HDAC9: variants seen among roughly 807,000 people sequenced by gnomAD.
HDAC9 encodes MEF-2 interacting transcription repressor (MITR) protein.
Under a neutral mutation model 139.4 loss-of-function variants are expected in HDAC9, and 41 were observed. The ratio of observed to expected loss-of-function variants is 0.29; its 90% CI spans 0.23 to 0.38. The LOEUF (loss-of-function observed/expected upper bound fraction) is 0.38, where lower values mean the gene tolerates loss of function less well. HDAC9 is among the 10% of genes least tolerant of loss of function. The pLI, the probability that HDAC9 is intolerant of heterozygous loss-of-function variation, is 1.00. For missense variants in HDAC9, 1,147 were observed against 1,297.0 expected (o/e 0.88, Z 1.78); for synonymous variants, 517 against 476.2 (o/e 1.09, Z -1.12).
At chr7:18,904,720 CAA>C (rs1802056309) in intron 22 of HDAC9, among the ~76,000 whole-genome samples, 6 of 151,200 alleles carry the variant, frequency 4.0e-5, no homozygotes, top group South Asian at 2.1e-4. Context: ...GGACTACAGG[CAA>C]CCGCCACCAC....
intron 1 of HDAC9, among the ~76,000 whole-genome samples, chr7:18,433,287 T>C (rs942868846): frequency 6.6e-6 from 1 of 151,970 alleles, no homozygotes; most frequent in Non-Finnish European, 1.5e-5. Context: ...GCCAACAACA[T>C]ACTGAACAGG....
chr7:18,941,022 A>G (rs927019357), intron 23 of HDAC9, among the ~76,000 whole-genome samples: 1 of 152,120 alleles, frequency 6.6e-6, no homozygotes, highest in Admixed American at 6.5e-5. Context: ...ACAAATTGTC[A>G]TAGGTCTGGA....
chr7:18,414,520 G>T (rs1303053444), intron 1 of HDAC9, among the ~76,000 whole-genome samples: 1 of 151,764 alleles, frequency 6.6e-6, no homozygotes, highest in Non-Finnish European at 1.5e-5. Context: ...ATTCAGTAAC[G>T]TAAGTATTTA....
At chr7:18,408,670 C>A (rs1015666281) in intron 1 of HDAC9, among the ~76,000 whole-genome samples, 1 of 152,078 alleles carries the variant, frequency 6.6e-6, no homozygotes, top group Non-Finnish European at 1.5e-5. Context: ...ATCGGAATGT[C>A]CTTAGTAACC....
intron 2 of HDAC9, among the ~76,000 whole-genome samples, chr7:18,237,171 C>G (rs1006167627): frequency 6.6e-6 from 1 of 152,202 alleles, no homozygotes; most frequent in Non-Finnish European, 1.5e-5. Flanking sequence ...GCCAGGGCAA[C>G]TGGCTACGGA....
chr7:18,563,720 A>G (rs1187681228), intron 2 of HDAC9, among the ~76,000 whole-genome samples: 1 of 140,180 alleles, frequency 7.1e-6, no homozygotes, highest in Non-Finnish European at 1.6e-5. Flanking sequence ...CCTCAGAACC[A>G]CCCAACCCCC....
chr7:18,558,257 T>C (rs1212467577), intron 2 of HDAC9, among the ~76,000 whole-genome samples: 1 of 152,172 alleles, frequency 6.6e-6, no homozygotes, highest in Admixed American at 6.5e-5. Flanking sequence ...CTAAAATAAA[T>C]AAACATTGCA....
chr7:18,417,018 T>A (rs1213300241), intron 1 of HDAC9, among the ~76,000 whole-genome samples: 1 of 152,178 alleles, frequency 6.6e-6, no homozygotes, highest in Non-Finnish European at 1.5e-5. Flanking sequence ...TCATTAAATT[T>A]AGATATCCTT....
At chr7:18,859,244 T>G (rs779699043) in intron 21 of HDAC9, among the ~76,000 whole-genome samples, 2 of 152,152 alleles carry the variant, frequency 1.3e-5, no homozygotes, top group Non-Finnish European at 2.9e-5. Context: ...GTCAAAATGG[T>G]TGATGATTTT....
intron 6 of HDAC9, among the ~76,000 whole-genome samples, chr7:18,624,743 T>G (rs1841180712): frequency 6.6e-6 from 1 of 151,762 alleles, no homozygotes; most frequent in Admixed American, 6.6e-5. Context: ...CATTAATTCT[T>G]CTGCTTGGGT....
At chr7:18,833,857 T>G (rs1796034692) in intron 19 of HDAC9, among the ~76,000 whole-genome samples, 1 of 152,192 alleles carries the variant, frequency 6.6e-6, no homozygotes, top group South Asian at 2.1e-4. Context: ...AAGGCTATGA[T>G]AGTGTCTAGT....
intron 1 of HDAC9, among the ~76,000 whole-genome samples, chr7:18,095,833 C>T (rs571463197): frequency 1.6e-4 from 25 of 152,148 alleles, no homozygotes; most frequent in Non-Finnish European, 3.1e-4. Flanking sequence ...ATTACATTGC[C>T]AGTATCCAGT....
At chr7:18,797,639 C>T (rs946606775) in intron 17 of HDAC9, among the ~76,000 whole-genome samples, 1 of 151,904 alleles carries the variant, frequency 6.6e-6, no homozygotes, top group African/African-American at 2.4e-5. Context: ...ACCAGCCTGG[C>T]CAACGTGGCA....
rs1050445631 is a variant in HDAC9, at chr7:18,700,743, C to G, written c.1732-26837C>G. Reference sequence around the variant, plus strand: ...CTTGCCTGGCTGAGAATGCTAGGGCCTCTCTCCACATGGTTGTCATCTCCA... The same window carrying G: ...CTTGCCTGGCTGAGAATGCTAGGGCGTCTCTCCACATGGTTGTCATCTCCA... On this transcript the variant is annotated intron_variant, in intron 12 of 25. Transcript: ENST00000686413. Among the ~76,000 whole-genome samples the G allele has an allele frequency of 3.0e-4, 45 of 152,294 alleles. No individual in the cohort carries two copies. The Middle Eastern group carries it at 0.01, about 35-fold the overall frequency.
rs187806844 is a variant in HDAC9 at position 18,965,012 on chromosome 7, G to A, written c.3022+10782G>A. Among the ~76,000 whole-genome samples the A allele has an allele frequency of 5.9e-5, 9 of 152,282 alleles. No individual in the cohort carries two copies. In the East Asian group the frequency reaches 1.7e-3, roughly 29 times the overall value. On this transcript the variant is annotated intron_variant, in intron 24 of 25. Coordinates refer to ENST00000686413, the MANE Select transcript of HDAC9 (RefSeq NM_178425.4). The stretch of plus-strand genomic sequence containing the variant: ...TGGTCATCCTGACAGTAATAGTATA[G>A]CCCTCATAAAAGCTATACTTCTTTG...
chr7:18,737,139 G>A (rs561575313), intron 13 of HDAC9, among the ~76,000 whole-genome samples: 3 of 151,842 alleles, frequency 2.0e-5, no homozygotes, highest in East Asian at 3.9e-4. Flanking sequence ...TTCTTTATTG[G>A]TCTTGCTAGC....
intron 25 of HDAC9, among the ~76,000 whole-genome samples, chr7:18,995,405 T>G (rs1354998762): frequency 2.0e-5 from 3 of 152,218 alleles, no homozygotes; most frequent in Non-Finnish European, 4.4e-5. Flanking sequence ...AAGTATAAAT[T>G]TTCAAGCAAT....
At chr7:18,589,540 A>G (rs539811200) in intron 3 of HDAC9, among the ~76,000 whole-genome samples, 1 of 152,242 alleles carries the variant, frequency 6.6e-6, no homozygotes, top group South Asian at 2.1e-4. Flanking sequence ...TCTCAAGAAT[A>G]AAAATAAAAA....
chr7:18,194,958 G>T (rs1790623054), intron 2 of HDAC9, among the ~76,000 whole-genome samples: 1 of 152,056 alleles, frequency 6.6e-6, no homozygotes, highest in South Asian at 2.1e-4. Flanking sequence ...GTGTGTGTGT[G>T]TGTGGTGTTC....
Sources: gnomAD v4.1 joint callset for allele counts (sites outside exome capture counted in the v4.1 genomes callset) on GRCh38, gnomAD v4.1.1 for gene constraint, MANE v1.5 for transcripts, NCBI Gene and HGNC (gene_info 2026-07-23, HGNC 2026-07-21) for gene names.